GRID2: variants seen among roughly 807,000 people sequenced by gnomAD.
GRID2 encodes glutamate ionotropic receptor delta type subunit 2, also known as glutamate receptor ionotropic, delta-2.
GRID2 carries 33 observed loss-of-function variants against 114.8 expected under a neutral mutation model. The observed-to-expected ratio is 0.29, with a 90% CI of 0.22 to 0.38. The LOEUF (loss-of-function observed/expected upper bound fraction) is 0.38. GRID2 is among the 10% of genes least tolerant of loss of function. The pLI, the probability that GRID2 is intolerant of heterozygous loss-of-function variation, is 1.00. For missense variants in GRID2, 1,184 were observed against 1,257.7 expected (o/e 0.94, Z 0.89); for synonymous variants, 505 against 449.9 (o/e 1.12, Z -1.55).
At chr4:92,830,393 G>A (rs1742023402) in intron 2 of GRID2, among the ~76,000 whole-genome samples, 1 of 151,556 alleles carries the variant, frequency 6.6e-6, no homozygotes, top group African/African-American at 2.4e-5. Flanking sequence ...GTTTTGTGGT[G>A]CATAAACCAT....
chr4:93,473,887 G>C (rs1039077181), intron 11 of GRID2, among the ~76,000 whole-genome samples: 2 of 152,012 alleles, frequency 1.3e-5, no homozygotes, highest in African/African-American at 4.8e-5. Context: ...GGAAAAAGCA[G>C]CAAATACATA....
chr4:93,043,904 A>G (rs1181075820), intron 2 of GRID2, among the ~76,000 whole-genome samples: 1 of 151,562 alleles, frequency 6.6e-6, no homozygotes, highest in African/African-American at 2.4e-5. Flanking sequence ...CCTAGAACTT[A>G]AAGTATAATT....
At chr4:93,216,307 C>T (rs769485763) in intron 5 of GRID2, among the ~76,000 whole-genome samples, 1 of 151,666 alleles carries the variant, frequency 6.6e-6, no homozygotes, top group Admixed American at 6.6e-5. Flanking sequence ...TGTATGCATG[C>T]GTATGTGCGT....
At chr4:93,174,676 T>A (rs1283266436) in intron 4 of GRID2, among the ~76,000 whole-genome samples, 2 of 152,078 alleles carry the variant, frequency 1.3e-5, no homozygotes, top group South Asian at 2.1e-4. Context: ...AGAGAGAAGG[T>A]GGCTATTGCA....
At chr4:92,825,268 GA>G (rs1174179205) in intron 2 of GRID2, among the ~76,000 whole-genome samples, 4 of 152,060 alleles carry the variant, frequency 2.6e-5, no homozygotes, top group Non-Finnish European at 5.9e-5. Flanking sequence ...ATGATGAACA[GA>G]AAAAAATTCA....
chr4:92,424,211 T>C (rs1732041879), intron 1 of GRID2, among the ~76,000 whole-genome samples: 1 of 152,114 alleles, frequency 6.6e-6, no homozygotes, highest in Non-Finnish European at 1.5e-5. Context: ...TTCCACAAAA[T>C]TCTCTCAACT....
intron 14 of GRID2, among the ~76,000 whole-genome samples, chr4:93,698,775 C>T (rs1727260310): frequency 6.6e-6 from 1 of 152,016 alleles, no homozygotes; most frequent in African/African-American, 2.4e-5. Context: ...AAGGATCACA[C>T]TTAATAATTT....
At chr4:93,311,647 TCA>T (rs202174873) in intron 8 of GRID2, among the ~76,000 whole-genome samples, 1 of 152,166 alleles carries the variant, frequency 6.6e-6, no homozygotes, top group Non-Finnish European at 1.5e-5. Flanking sequence ...TTGAGAAACC[TCA>T]ACATTTAACA....
At chr4:92,921,168 T>G (rs1415307859) in intron 2 of GRID2, among the ~76,000 whole-genome samples, 1 of 152,172 alleles carries the variant, frequency 6.6e-6, no homozygotes, top group Admixed American at 6.5e-5. Context: ...ACATTCATCA[T>G]GTAGTTCTCA....
chr4:93,073,079 A>G (rs1341111496), intron 2 of GRID2, among the ~76,000 whole-genome samples: 1 of 152,204 alleles, frequency 6.6e-6, no homozygotes, highest in African/African-American at 2.4e-5. Context: ...AGTAAAAAGT[A>G]ACCTCTCACA....
chr4:93,002,328 A>C (rs1306362160), intron 2 of GRID2, among the ~76,000 whole-genome samples: 1 of 151,818 alleles, frequency 6.6e-6, no homozygotes, highest in African/African-American at 2.4e-5. Flanking sequence ...AAAATTAACC[A>C]TGATGTTCTA....
intron 1 of GRID2, among the ~76,000 whole-genome samples, chr4:92,353,436 T>C (rs1728168418): frequency 6.6e-6 from 1 of 151,980 alleles, no homozygotes; most frequent in Non-Finnish European, 1.5e-5. Context: ...CTTTTAAATA[T>C]TAAAATGTGG....
At chr4:93,222,538 CAT>C (rs1156936024) in intron 6 of GRID2, among the ~76,000 whole-genome samples, 1 of 151,622 alleles carries the variant, frequency 6.6e-6, no homozygotes, top group Non-Finnish European at 1.5e-5. Flanking sequence ...CATACGTAAA[CAT>C]GTGCCATGTT....
intron 2 of GRID2, among the ~76,000 whole-genome samples, chr4:92,637,118 C>T (rs948702450): frequency 2.0e-5 from 3 of 151,622 alleles, no homozygotes; most frequent in African/African-American, 7.3e-5. Flanking sequence ...GGAATTATTG[C>T]CTTTAGTTTG....
rs537429586 is a variant in GRID2, at chr4:93,529,738, T to A, written c.2193+14327T>A. On this transcript the variant is annotated intron_variant, in intron 13 of 15. Transcript: ENST00000282020. Reference sequence around the variant, plus strand: ...CAAAACCTTCCCTGTCTTTGCTCCTTACATGCAATTGATTGAAAAGTAGAG... The same window carrying A: ...CAAAACCTTCCCTGTCTTTGCTCCTAACATGCAATTGATTGAAAAGTAGAG... Among the ~76,000 whole-genome samples, 10 of 152,264 alleles carry A rather than the reference T, an allele frequency of 6.6e-5. No individual in the cohort carries two copies. In the South Asian group the frequency reaches 2.1e-3, roughly 32 times the overall value.
intron 1 of GRID2, among the ~76,000 whole-genome samples, chr4:92,483,641 T>G (rs1722721888): frequency 6.6e-6 from 1 of 152,118 alleles, no homozygotes; most frequent in Admixed American, 6.6e-5. Flanking sequence ...ATTACCAAGC[T>G]GGGTCAGATG....
Position 92,966,874 on chromosome 4 carries a change from T to C in GRID2, c.245-118121T>C, listed in dbSNP as rs565273740. 2.0e-5 allele frequency among the ~76,000 whole-genome samples: 3 copies of C among 152,038 alleles called. No individual in the cohort carries two copies. In the East Asian group the frequency reaches 5.8e-4, roughly 29 times the overall value. On this transcript the variant is annotated intron_variant, in intron 2 of 15. Transcript: ENST00000282020. ...GTATAGAAAATAATTAGAGCTAACT[T>C]TAATTAGTAACTTACTATATTAGGT...
intron 8 of GRID2, among the ~76,000 whole-genome samples, chr4:93,322,639 T>C (rs1329738059): frequency 1.3e-5 from 2 of 152,196 alleles, no homozygotes; most frequent in East Asian, 1.9e-4. Context: ...TCCACAATGG[T>C]TGAACTAGTT....
chr4:93,133,945 C>T (rs1405033662), intron 4 of GRID2, among the ~76,000 whole-genome samples: 2 of 152,134 alleles, frequency 1.3e-5, no homozygotes, highest in Admixed American at 1.3e-4. Flanking sequence ...ATTCCATTTG[C>T]TTCACATAGC....
Sources: allele counts gnomAD v4.1 joint callset (sites outside exome capture counted in the v4.1 genomes callset), GRCh38; gene constraint gnomAD v4.1.1; transcripts MANE v1.5; gene names NCBI Gene and HGNC (gene_info 2026-07-23, HGNC 2026-07-21).